Variants in ANKS1B observed in about 807,000 individuals in gnomAD.
ANKS1B encodes the protein ankyrin repeat and sterile alpha motif domain-containing protein 1B.
Under a neutral mutation model 148.3 loss-of-function variants are expected in ANKS1B, and 36 were observed. That is an observed-to-expected ratio of 0.24 (90% CI 0.19 to 0.32). ANKS1B has a LOEUF of 0.32. Among genes scored for constraint, ANKS1B ranks in the 10% least tolerant of loss-of-function variants. The pLI is 1.00. For synonymous variants in ANKS1B, 542 were observed against 560.8 expected (o/e 0.97, Z 0.47); for missense variants, 1,157 against 1,542.6 (o/e 0.75, Z 4.19).
At chr12:99,730,561 T>C (rs1219514924) in intron 8 of ANKS1B, among the ~76,000 whole-genome samples, 1 of 152,156 alleles carries the variant, frequency 6.6e-6, no homozygotes. Context: ...CTGCATCTCA[T>C]GAGTGGGGAG....
chr12:99,984,376 A>T lies in ANKS1B; in HGVS notation c.-139T>A. ...AGCTTCAGCACGGAGAGCTCCCTGC[A>T]GCCCCAGGCAGGGAGCACGACTCTC... On this transcript the variant is annotated 5_prime_UTR_variant, in exon 1 of 27. Transcript: ENST00000683438. The T allele has an allele frequency of 1.7e-5, 7 of 423,922 alleles. No homozygotes were observed. The highest frequency in any genetic ancestry group is 2.0e-5 in the Non-Finnish European group (5 of 244,930). The allele number at this position is 423,922 out of a possible 1,614,324, so 26.3% of individuals were successfully genotyped here.
At chr12:99,160,418 A>T (rs1000394178) in intron 14 of ANKS1B, among the ~76,000 whole-genome samples, 5 of 151,276 alleles carry the variant, frequency 3.3e-5, no homozygotes, top group African/African-American at 1.2e-4. Context: ...AGCTCACTGC[A>T]ATCTCCGCCT....
rs563691206 is a variant in ANKS1B, at chr12:99,097,563, T to C, written c.2527-12540A>G. 2.6e-5 allele frequency: 4 copies of C among 152,286 alleles called. No homozygotes were observed. The South Asian group carries it at 8.3e-4, about 32-fold the overall frequency. The allele number at this position is 152,286 out of a possible 1,614,324, so 9.4% of individuals were successfully genotyped here. A position where few individuals can be genotyped will look rare whatever the true frequency, so the allele number is the denominator to read the frequency against. ...TATAATAATTATAATGATCATAAGGTTGATTATAACAACCAAAATAAAAAG... is the reference window on the plus strand; with the variant it reads ...TATAATAATTATAATGATCATAAGGCTGATTATAACAACCAAAATAAAAAG... On this transcript the variant is annotated intron_variant, in intron 15 of 26. Transcript: ENST00000683438.
Position 99,629,857 on chromosome 12 carries a change from A to G in ANKS1B, c.1272+25210T>C, listed in dbSNP as rs75745544. On this transcript the variant is annotated intron_variant, in intron 9 of 26. Transcript: ENST00000683438. ...TTTATATCAACCCTTCAAGGTAGGT[A>G]TAAGTTCCCTCTTTTACAAGCAATG... 7.5e-3 allele frequency among the ~76,000 whole-genome samples: 1,139 copies of G among 152,276 alleles called. 43 individuals carry two copies. Among genetic ancestry groups the G allele is most frequent in the East Asian group, 0.072 (371 of 5,176 alleles).
At chr12:98,753,940 G>C (rs1481054954) in intron 25 of ANKS1B, among the ~76,000 whole-genome samples, 1 of 152,214 alleles carries the variant, frequency 6.6e-6, no homozygotes, top group Non-Finnish European at 1.5e-5. Flanking sequence ...AGATGATGGA[G>C]AGGAAGATGC....
At chr12:99,109,509 T>C (rs1450666081) in intron 15 of ANKS1B, among the ~76,000 whole-genome samples, 1 of 152,174 alleles carries the variant, frequency 6.6e-6, no homozygotes, top group Admixed American at 6.5e-5. Flanking sequence ...GGTTCTTGGA[T>C]TCTTCATCTG....
chr12:99,259,624 T>C (rs1296151167), intron 12 of ANKS1B, among the ~76,000 whole-genome samples: 1 of 152,244 alleles, frequency 6.6e-6, no homozygotes, highest in Non-Finnish European at 1.5e-5. Context: ...GGCTCCCTCA[T>C]TTCCAGCTGC....
chr12:99,202,262 G>C (rs1446203498), intron 14 of ANKS1B, among the ~76,000 whole-genome samples: 1 of 152,144 alleles, frequency 6.6e-6, no homozygotes, highest in Non-Finnish European at 1.5e-5. Context: ...CAGGACAAAT[G>C]CATAATTCTT....
At chr12:99,778,247 C>A (rs1008658860) in intron 6 of ANKS1B, among the ~76,000 whole-genome samples, 1 of 151,708 alleles carries the variant, frequency 6.6e-6, no homozygotes, top group Non-Finnish European at 1.5e-5. Context: ...GTGGCTCATG[C>A]GTGTAATCCC....
intron 12 of ANKS1B, among the ~76,000 whole-genome samples, chr12:99,327,393 A>G (rs1177622472): frequency 2.3e-5 from 3 of 132,504 alleles, no homozygotes; most frequent in African/African-American, 8.4e-5. Flanking sequence ...TATATATTAT[A>G]ATTACATATT....
chr12:99,610,559 T>C (rs1465026929), intron 9 of ANKS1B, among the ~76,000 whole-genome samples: 1 of 152,064 alleles, frequency 6.6e-6, no homozygotes. Flanking sequence ...GGAATTCTAG[T>C]TTCTATGGCC....
In ANKS1B at chr12:99,399,801, C is replaced by T. The variant is rs571014607; in HGVS notation, c.1586G>A (p.Arg529Gln). Residue 529 changes from arginine (R) to glutamine (Q), a missense_variant, in exon 12 of 27, where the codon CGA (arginine) becomes CAA (glutamine). Transcript: ENST00000683438. ...VKVIRPQPKQ[R>Q]TSIVSSLDFH... is the part of the protein sequence containing the mutation. ...ATCCAGAGAAGACACAATGGATGTT[C>T]GCTGTTTAGGCTAAAATAAATGAGC... 2 of 1,613,204 alleles carry T rather than the reference C, an allele frequency of 1.2e-6. No homozygotes were observed. Among genetic ancestry groups the T allele is most frequent in the Non-Finnish European group, 1.7e-6 (2 of 1,179,346 alleles).
intron 10 of ANKS1B, among the ~76,000 whole-genome samples, chr12:99,457,734 C>T (rs2095870434): frequency 6.6e-6 from 1 of 152,006 alleles, no homozygotes; most frequent in Non-Finnish European, 1.5e-5. Flanking sequence ...CATCACAAAC[C>T]TAAATATACA....
chr12:99,861,736 A>AC (rs1333347020), intron 1 of ANKS1B, among the ~76,000 whole-genome samples: 10 of 152,206 alleles, frequency 6.6e-5, no homozygotes, highest in African/African-American at 2.2e-4. Context: ...TTTTGGTTTA[A>AC]CCATGAACAA....
chr12:98,795,879 G>C (rs1435056049), intron 22 of ANKS1B, among the ~76,000 whole-genome samples: 1 of 152,168 alleles, frequency 6.6e-6, no homozygotes, highest in East Asian at 1.9e-4. Context: ...CATATGTAAA[G>C]TGGGAGCAAT....
At chr12:98,770,265 TG>T (rs1309003994) in intron 25 of ANKS1B, among the ~76,000 whole-genome samples, 2 of 152,350 alleles carry the variant, frequency 1.3e-5, no homozygotes, top group East Asian at 3.9e-4. Flanking sequence ...ATAGCTGATT[TG>T]GGATGTGAAC....
chr12:99,697,909 A>G (rs1424218669), intron 8 of ANKS1B, among the ~76,000 whole-genome samples: 1 of 152,160 alleles, frequency 6.6e-6, no homozygotes, highest in African/African-American at 2.4e-5. Context: ...AGTAAAGTCT[A>G]TTAATTTTTT....
chr12:99,270,141 G>T (rs2076886427), intron 12 of ANKS1B, among the ~76,000 whole-genome samples: 1 of 152,204 alleles, frequency 6.6e-6, no homozygotes, highest in South Asian at 2.1e-4. Flanking sequence ...GATCAGTGGG[G>T]TTCCAAGACA....
At chr12:99,609,819 G>T (rs1052337424) in intron 9 of ANKS1B, among the ~76,000 whole-genome samples, 4 of 152,088 alleles carry the variant, frequency 2.6e-5, no homozygotes, top group African/African-American at 9.7e-5. Context: ...CCAAACAAAT[G>T]ATTTTCTCCT....
Sources: allele counts gnomAD v4.1 joint callset (sites outside exome capture counted in the v4.1 genomes callset), GRCh38; gene constraint gnomAD v4.1.1; transcripts MANE v1.5; gene names NCBI Gene and HGNC (gene_info 2026-07-23, HGNC 2026-07-21).